LNX1: variants seen among roughly 807,000 people sequenced by gnomAD.
LNX1 encodes E3 ubiquitin-protein ligase LNX.
In LNX1, 54 loss-of-function variants were observed where a neutral mutation model predicts 68.4. The observed-to-expected ratio is 0.79, with a 90% CI of 0.63 to 0.99. LNX1 has a LOEUF of 0.99. Among genes scored for constraint, LNX1 ranks in the 50% least tolerant of loss-of-function variants. LNX1 has a pLI of 0.00. For missense variants in LNX1, 906 were observed against 926.4 expected (o/e 0.98, Z 0.29); for synonymous variants, 336 against 350.0 (o/e 0.96, Z 0.45).
chr4:53,612,960 G>A (rs1733550861), intron 2 of LNX1, among the ~76,000 whole-genome samples: 1 of 151,768 alleles, frequency 6.6e-6, no homozygotes, highest in Non-Finnish European at 1.5e-5. Flanking sequence ...AATGAGTAAA[G>A]CACAATGCAG....
chr4:53,529,713 C>T (rs1727885020), intron 2 of LNX1, among the ~76,000 whole-genome samples: 1 of 152,142 alleles, frequency 6.6e-6, no homozygotes, highest in Non-Finnish European at 1.5e-5. Context: ...CATAGTAGGA[C>T]AGAGCCACAT....
At chr4:53,470,030 C>G (rs958296772) in intron 9 of LNX1, among the ~76,000 whole-genome samples, 2 of 152,072 alleles carry the variant, frequency 1.3e-5, no homozygotes, top group African/African-American at 2.4e-5. Flanking sequence ...CGGGCAGAGA[C>G]ACAACAAAAA....
At chr4:53,572,596 AC>A (rs1731236920) in intron 2 of LNX1, among the ~76,000 whole-genome samples, 1 of 152,328 alleles carries the variant, frequency 6.6e-6, no homozygotes, top group East Asian at 1.9e-4. Context: ...ACCAGGATAA[AC>A]AACATCTTCC....
intron 2 of LNX1, among the ~76,000 whole-genome samples, chr4:53,612,435 T>C (rs980712103): frequency 1.3e-5 from 2 of 152,234 alleles, no homozygotes; most frequent in Non-Finnish European, 2.9e-5. Context: ...TTAGCTTGCT[T>C]CCTTTACTTT....
At chr4:53,483,779 G>T (rs1724106257) in intron 6 of LNX1, among the ~76,000 whole-genome samples, 1 of 152,180 alleles carries the variant, frequency 6.6e-6, no homozygotes, top group Non-Finnish European at 1.5e-5. Context: ...GATGGTTATT[G>T]GGCTAGGGGA....
intron 2 of LNX1, among the ~76,000 whole-genome samples, chr4:53,614,150 T>C (rs1051291384): frequency 6.6e-6 from 1 of 152,240 alleles, no homozygotes; most frequent in African/African-American, 2.4e-5. Flanking sequence ...CTTTGCTCAC[T>C]TTTTAATGGG....
At chr4:53,565,938 A>C (rs1271362749) in intron 2 of LNX1, among the ~76,000 whole-genome samples, 1,821 of 152,310 alleles carry the variant, frequency 0.012, 30 homozygotes, top group African/African-American at 0.041. Context: ...CGAGAAGGAA[A>C]GTTTAGAGAA....
intron 9 of LNX1, among the ~76,000 whole-genome samples, chr4:53,465,705 C>T (rs1196986471): frequency 6.6e-6 from 1 of 152,186 alleles, no homozygotes; most frequent in Non-Finnish European, 1.5e-5. Context: ...ATTGTACATA[C>T]ACTAAAAAGA....
At chr4:53,554,605 G>T (rs886143736) in intron 2 of LNX1, among the ~76,000 whole-genome samples, 1 of 152,214 alleles carries the variant, frequency 6.6e-6, no homozygotes, top group African/African-American at 2.4e-5. Flanking sequence ...TGTAATCCCA[G>T]CACTTTGGGA....
At chr4:53,614,003 G>C (rs1373509531) in intron 2 of LNX1, among the ~76,000 whole-genome samples, 1 of 152,022 alleles carries the variant, frequency 6.6e-6, no homozygotes, top group African/African-American at 2.4e-5. Context: ...TTTGATAATA[G>C]CCGTTCTGAC....
At chr4:53,513,277 T>C (rs1435210) in intron 2 of LNX1, among the ~76,000 whole-genome samples, 146,177 of 152,142 alleles carry the variant, frequency 0.96, 70,499 homozygotes, top group East Asian at 1. Context: ...TTATGCTTTA[T>C]GGATGTGGTC....
At chr4:53,532,360 G>A (rs746996966) in intron 2 of LNX1, among the ~76,000 whole-genome samples, 2 of 151,916 alleles carry the variant, frequency 1.3e-5, no homozygotes, top group African/African-American at 2.4e-5. Flanking sequence ...CTGTAGCCCC[G>A]GCTACTCGGG....
At chr4:53,466,481 C>G (rs1036408499) in intron 9 of LNX1, among the ~76,000 whole-genome samples, 1 of 152,178 alleles carries the variant, frequency 6.6e-6, no homozygotes, top group African/African-American at 2.4e-5. Context: ...CTAGGGAGTG[C>G]CAGACGGTGC....
intron 2 of LNX1, among the ~76,000 whole-genome samples, chr4:53,544,226 A>T (rs1331519283): frequency 7.4e-5 from 11 of 148,942 alleles, no homozygotes; most frequent in Non-Finnish European, 1.3e-4. Context: ...AGACAGTCTC[A>T]CTCTGTTGCC....
At chr4:53,510,216 T>A (rs539617517) in intron 2 of LNX1, among the ~76,000 whole-genome samples, 74 of 152,336 alleles carry the variant, frequency 4.9e-4, no homozygotes, top group Middle Eastern at 3.4e-3. Context: ...TCTGAATGGA[T>A]TTCAAAGCCA....
rs149702386 is a variant in LNX1 at position 53,583,564 on chromosome 4, C to T, written c.-87+7824G>A. On this transcript the variant is annotated intron_variant, in intron 1 of 10. Transcript: ENST00000263925. ...ACCCAAAAATACAGAAAAAAAAAAC[C>T]CTTTTAAATGGTCTTTAAAGAGGTC... is the stretch of plus-strand genomic sequence containing the variant. 1.2e-3 allele frequency among the ~76,000 whole-genome samples: 180 copies of T among 151,458 alleles called. 1 individual carries two copies. Among genetic ancestry groups the T allele is most frequent in the African/African-American group, 4.1e-3 (170 of 40,990 alleles).
intron 2 of LNX1, among the ~76,000 whole-genome samples, chr4:53,508,873 G>C (rs1053771098): frequency 1.6e-4 from 24 of 152,068 alleles, no homozygotes; most frequent in Admixed American, 4.6e-4. Flanking sequence ...ACCATTAAGA[G>C]AGTAAAACAG....
At position 53,616,296 on chromosome 4, in the gene LNX1, A is replaced by G. The variant is rs529159626; in HGVS notation, c.-215+221T>C. The stretch of plus-strand genomic sequence containing the variant: ...ACATAGACACAAATAACTCCTATAT[A>G]CCATACACTTAAAAGCTCATAGGAG... On this transcript the variant is annotated intron_variant, in intron 2 of 3. Transcript: ENST00000504299. Among the ~76,000 whole-genome samples, 93 of 152,294 alleles carry G rather than the reference A, an allele frequency of 6.1e-4. 1 individual carries two copies. The highest frequency in any genetic ancestry group is 2.2e-3 in the African/African-American group (91 of 41,566).
At chr4:53,622,725 A>G (rs1451466506) in intron 1 of LNX1, among the ~76,000 whole-genome samples, 1 of 152,220 alleles carries the variant, frequency 6.6e-6, no homozygotes, top group Non-Finnish European at 1.5e-5. Context: ...TAGCCCTAAC[A>G]CAGTGCAGTT....
Sources: allele counts gnomAD v4.1 joint callset (sites outside exome capture counted in the v4.1 genomes callset), GRCh38; gene constraint gnomAD v4.1.1; transcripts MANE v1.5; gene names NCBI Gene and HGNC (gene_info 2026-07-23, HGNC 2026-07-21).